The following SDK2 variants were observed in gnomAD, a reference collection of about 807,000 sequenced individuals.
The protein encoded by SDK2 is protein sidekick-2.
In SDK2, 105 loss-of-function variants were observed where a neutral mutation model predicts 253.9. That is an observed-to-expected ratio of 0.41 (90% CI 0.35 to 0.49). The LOEUF is 0.49. Ranked by LOEUF, SDK2 falls within the 20% of genes least tolerant of loss-of-function variation. The pLI, the probability that SDK2 is intolerant of heterozygous loss-of-function variation, is 0.06. For synonymous variants in SDK2, 1,249 were observed against 1,234.9 expected, an observed-to-expected ratio of 1.01 and a Z score of -0.24; for missense variants, 2,608 against 3,003.0, an observed-to-expected ratio of 0.87 and a Z score of 3.07.
At chr17:73,514,096 G>A (rs1367546167) in intron 1 of SDK2, among the ~76,000 whole-genome samples, 2 of 152,122 alleles carry the variant, frequency 1.3e-5, no homozygotes, top group African/African-American at 4.8e-5. Context: ...ATGTGCATAC[G>A]TGTATGTGAG....
intron 1 of SDK2, among the ~76,000 whole-genome samples, chr17:73,580,499 C>T (rs2045519756): frequency 6.6e-6 from 1 of 152,376 alleles, no homozygotes; most frequent in African/African-American, 2.4e-5. Flanking sequence ...CCGGGGCTCA[C>T]GCCGACCCAG....
At chr17:73,386,389 T>C in intron 31 of SDK2, 56 bp downstream of exon 31, 1 of 1,271,812 alleles carries the variant, frequency 7.9e-7, no homozygotes, top group Non-Finnish European at 1.1e-6. Flanking sequence ...AAATGCCCCA[T>C]GCCCAGGAAG....
intron 29 of SDK2, among the ~76,000 whole-genome samples, chr17:73,388,356 G>A (rs1260198640): frequency 2.0e-5 from 3 of 152,196 alleles, no homozygotes; most frequent in East Asian, 3.9e-4. Flanking sequence ...TGCCTGAAAC[G>A]AGGCTGAGCC....
intron 18 of SDK2, among the ~76,000 whole-genome samples, chr17:73,402,704 A>T (rs1218683039): frequency 6.6e-6 from 1 of 152,176 alleles, no homozygotes; most frequent in Admixed American, 6.5e-5. Context: ...CCTGGGCTAA[A>T]GCAGTCCTCC....
At chr17:73,377,835 C>T (rs748417241) in intron 36 of SDK2, among the ~76,000 whole-genome samples, 40 of 152,102 alleles carry the variant, frequency 2.6e-4, no homozygotes, top group Admixed American at 1.6e-3. Context: ...TGGTCTCGAA[C>T]TCCCGACCTC....
chr17:73,553,649 A>G (rs1217337535), intron 1 of SDK2, among the ~76,000 whole-genome samples: 1 of 151,936 alleles, frequency 6.6e-6, no homozygotes, highest in East Asian at 1.9e-4. Context: ...CCCACCTGCA[A>G]TCTCCTTCCT....
At chr17:73,483,477 CTTT>C (rs2063740137) in intron 2 of SDK2, among the ~76,000 whole-genome samples, 1 of 105,608 alleles carries the variant, frequency 9.5e-6, no homozygotes, top group South Asian at 3.1e-4. Flanking sequence ...CCTGGCTAAT[CTTT>C]GTGTGTGTGT....
At chr17:73,475,050 G>A (rs939977316) in intron 2 of SDK2, among the ~76,000 whole-genome samples, 2 of 152,318 alleles carry the variant, frequency 1.3e-5, no homozygotes, top group East Asian at 3.9e-4. Context: ...TACTGTTGTG[G>A]TACTGGAAAT....
chr17:73,436,331 C>T (rs2063368501), intron 8 of SDK2, among the ~76,000 whole-genome samples: 2 of 152,058 alleles, frequency 1.3e-5, no homozygotes, highest in Admixed American at 6.5e-5. Context: ...AATCCCAGCA[C>T]TTTGGGAGGC....
intron 1 of SDK2, chr17:73,519,893 G>A (rs924074791): frequency 3.9e-5 from 6 of 152,198 alleles, no homozygotes; most frequent in Admixed American, 1.3e-4. Flanking sequence ...TGGTGACCCC[G>A]GTGTACCAGC....
chr17:73,417,483 T>C (rs996463735), intron 16 of SDK2, among the ~76,000 whole-genome samples: 1 of 152,036 alleles, frequency 6.6e-6, no homozygotes, highest in African/African-American at 2.4e-5. Context: ...CCCACACTGT[T>C]CAAGGGTCAA....
chr17:73,342,115 A>T (rs532376154), intron 44 of SDK2, among the ~76,000 whole-genome samples: 1 of 151,046 alleles, frequency 6.6e-6, no homozygotes, highest in Non-Finnish European at 1.5e-5. Flanking sequence ...CCCAGCAGGA[A>T]TTAAATACTC....
chr17:73,621,725 T>G (rs2046135324), intron 1 of SDK2, among the ~76,000 whole-genome samples: 1 of 151,894 alleles, frequency 6.6e-6, no homozygotes, highest in Non-Finnish European at 1.5e-5. Flanking sequence ...AAGGAAATAA[T>G]GAACTTAAAT....
intron 1 of SDK2, among the ~76,000 whole-genome samples, chr17:73,551,475 G>T (rs114161818): frequency 6.6e-6 from 1 of 152,198 alleles, no homozygotes; most frequent in Non-Finnish European, 1.5e-5. Context: ...CGGAGCGGCC[G>T]AGGCCTTCGG....
intron 16 of SDK2, among the ~76,000 whole-genome samples, chr17:73,418,303 G>A (rs1599547352): frequency 6.6e-6 from 1 of 152,312 alleles, no homozygotes; most frequent in East Asian, 1.9e-4. Context: ...ACCACGCCCG[G>A]CCTGAAAGAT....
At chr17:73,450,611 G>T (rs62074087) in intron 4 of SDK2, among the ~76,000 whole-genome samples, 5,191 of 152,284 alleles carry the variant, frequency 0.034, 138 homozygotes, top group South Asian at 0.096. Context: ...CTCCAAGAAG[G>T]CTCCCACCTC....
intron 2 of SDK2, among the ~76,000 whole-genome samples, chr17:73,505,907 A>T (rs1324504355): frequency 6.6e-6 from 1 of 152,170 alleles, no homozygotes; most frequent in South Asian, 2.1e-4. Context: ...GCCATTCCAC[A>T]TGGTCCTTCC....
chr17:73,454,848 C>T (rs550860638), intron 4 of SDK2, among the ~76,000 whole-genome samples: 4 of 152,174 alleles, frequency 2.6e-5, no homozygotes, highest in African/African-American at 9.6e-5. Context: ...GGATTACAGG[C>T]ACCTGCCACC....
At chr17:73,452,175 G>C (rs887360234) in intron 4 of SDK2, among the ~76,000 whole-genome samples, 1 of 152,144 alleles carries the variant, frequency 6.6e-6, no homozygotes, top group African/African-American at 2.4e-5. Context: ...TGTCTCCTTT[G>C]CAACAATGAG....
Sources: allele counts gnomAD v4.1 joint callset (sites outside exome capture counted in the v4.1 genomes callset), GRCh38; gene constraint gnomAD v4.1.1; transcripts MANE v1.5; gene names NCBI Gene and HGNC (gene_info 2026-07-23, HGNC 2026-07-21).